Variants in BCL7B observed in about 807,000 individuals in gnomAD.
The protein encoded by BCL7B is B-cell CLL/lymphoma 7 protein family member B.
In BCL7B, 11 loss-of-function variants were observed where a neutral mutation model predicts 26.5. The observed-to-expected ratio is 0.42, with a 90% CI of 0.26 to 0.69. BCL7B has a LOEUF of 0.69. Ranked by LOEUF, BCL7B falls within the 30% of genes least tolerant of loss-of-function variation. BCL7B has a pLI of 0.28. For missense variants in BCL7B, 215 were observed against 264.4 expected (o/e 0.81, Z 1.30); for synonymous variants, 111 against 107.9 (o/e 1.03, Z -0.18).
At chr7:73,550,209 G>C (rs1267400381) in intron 2 of BCL7B, among the ~76,000 whole-genome samples, 3 of 152,106 alleles carry the variant, frequency 2.0e-5, no homozygotes, top group Non-Finnish European at 2.9e-5. Flanking sequence ...ATGAGTCAAA[G>C]GTAATAATTC....
intron 1 of BCL7B, among the ~76,000 whole-genome samples, chr7:73,555,401 C>CAAA (rs71517395): frequency 1.5e-5 from 2 of 136,768 alleles, no homozygotes; most frequent in Admixed American, 1.4e-4. Flanking sequence ...GACTCTGTCT[C>CAAA]AAAAAAAAAG....
chr7:73,557,402 C>T (rs1474335884), intron 1 of BCL7B, 85 bp downstream of exon 1: 2 of 1,164,420 alleles, frequency 1.7e-6, no homozygotes, highest in Non-Finnish European at 1.1e-6. Context: ...GCCGGCCGGT[C>T]GGCTCCCACC....
chr7:73,543,631 T>A lies in BCL7B; in HGVS notation c.182A>T (p.Lys61Ile). 1 of 1,613,354 alleles carries A rather than the reference T, an allele frequency of 6.2e-7. No individual in the cohort carries two copies. Among genetic ancestry groups the A allele is most frequent in the Non-Finnish European group, 8.5e-7 (1 of 1,179,710 alleles). ...VTDSKEKEKS[K>I]SNSSAAREPN... Reference sequence around the variant, plus strand: ...TTCTCGGGCTGCTGAACTGTTCGATTTTGACTTTTCTTTCTAGAAAAGGAA... The same window carrying A: ...TTCTCGGGCTGCTGAACTGTTCGATATTGACTTTTCTTTCTAGAAAAGGAA... Residue 61 changes from lysine (K) to isoleucine (I), a missense_variant, in exon 3 of 6, where the codon AAA becomes ATA. Lys to Ile is a moderately radical substitution (Grantham distance 102). Coordinates refer to ENST00000223368, the MANE Select transcript of BCL7B (RefSeq NM_001707.4).
chr7:73,551,516 C>CCAG (rs1170151497), intron 2 of BCL7B, among the ~76,000 whole-genome samples: 3 of 151,906 alleles, frequency 2.0e-5, no homozygotes, highest in Non-Finnish European at 2.9e-5. Flanking sequence ...GTTGGCCAGG[C>CCAG]TGGTCTCGAA....
intron 1 of BCL7B, 171 bp downstream of exon 1, chr7:73,557,316 C>G (rs2115845671): frequency 6.0e-6 from 7 of 1,167,202 alleles, no homozygotes; most frequent in East Asian, 3.8e-5. Flanking sequence ...TTGGCCGCGG[C>G]CGGCGCGCCC....
intron 1 of BCL7B, among the ~76,000 whole-genome samples, chr7:73,552,907 A>G (rs893262522): frequency 3.9e-5 from 6 of 152,144 alleles, no homozygotes; most frequent in Middle Eastern, 6.8e-3. Flanking sequence ...TATGAGTTCT[A>G]TTACTACATT....
At chr7:73,552,547 G>C (rs1328077498) in intron 1 of BCL7B, among the ~76,000 whole-genome samples, 1 of 152,034 alleles carries the variant, frequency 6.6e-6, no homozygotes, top group Non-Finnish European at 1.5e-5. Flanking sequence ...GGGAGACTGA[G>C]GTGGGCAGAT....
Position 73,540,016 on chromosome 7 carries a change from T to TA in BCL7B, c.301dup (p.Tyr101LeufsTer4). ...GGTGCTGCTGTCCACCTTAAGCTGATAGACGTCAGACACGGAACTCTGGTT... is the reference window on the plus strand; with the variant it reads ...GGTGCTGCTGTCCACCTTAAGCTGATAAGACGTCAGACACGGAACTCTGGTT... On this transcript the variant is annotated frameshift_variant, in exon 4 of 6. Transcript: ENST00000223368. LOFTEE classifies it high-confidence loss of function. 1 of 1,614,036 alleles carries TA rather than the reference T, an allele frequency of 6.2e-7. No individual in the cohort carries two copies. The highest frequency in any genetic ancestry group is 1.1e-5 in the South Asian group (1 of 91,062).
intron 2 of BCL7B, among the ~76,000 whole-genome samples, chr7:73,544,334 T>C (rs895640465): frequency 5.3e-5 from 8 of 151,830 alleles, no homozygotes; most frequent in Non-Finnish European, 8.8e-5. Context: ...GGCAGGAGAA[T>C]TGCTTGAGGT....
intron 2 of BCL7B, among the ~76,000 whole-genome samples, chr7:73,547,803 T>C (rs560000444): frequency 3.0e-4 from 46 of 152,116 alleles, no homozygotes; most frequent in African/African-American, 8.0e-4. Context: ...GAAAAACAAA[T>C]GTAGGAGAAA....
intron 2 of BCL7B, among the ~76,000 whole-genome samples, chr7:73,546,524 T>G (rs143379881): frequency 0.012 from 1,883 of 152,066 alleles, 39 homozygotes; most frequent in African/African-American, 0.043. Flanking sequence ...AAAAATTAGC[T>G]GGGCATGGTG....
At chr7:73,542,477 A>G (rs1554582973) in intron 3 of BCL7B, among the ~76,000 whole-genome samples, 15 of 152,232 alleles carry the variant, frequency 9.9e-5, no homozygotes. Context: ...AAATGGAAGT[A>G]GCATTTTGTC....
chr7:73,541,267 G>C (rs566960648), intron 3 of BCL7B, among the ~76,000 whole-genome samples: 1 of 152,090 alleles, frequency 6.6e-6, no homozygotes, highest in South Asian at 2.1e-4. Context: ...GGTATCATTT[G>C]TGCTCATTCC....
intron 2 of BCL7B, among the ~76,000 whole-genome samples, chr7:73,550,435 C>T (rs1238014459): frequency 6.6e-6 from 1 of 151,762 alleles, no homozygotes; most frequent in Non-Finnish European, 1.5e-5. Flanking sequence ...ATCCCAGCTG[C>T]TCAGGAGGCT....
intron 2 of BCL7B, among the ~76,000 whole-genome samples, chr7:73,546,131 CAAAA>C (rs1327019672): frequency 5.4e-5 from 4 of 73,896 alleles, no homozygotes; most frequent in Admixed American, 4.6e-4. Context: ...GACTCCATCT[CAAAA>C]AAAAAAAAAA....
chr7:73,555,421 A>T (rs1792326545), intron 1 of BCL7B, among the ~76,000 whole-genome samples: 1 of 152,066 alleles, frequency 6.6e-6, no homozygotes, highest in African/African-American at 2.4e-5. Context: ...GAAATCAAAT[A>T]TAGGAAATGT....
At chr7:73,550,581 CCAAAGTTGAACCACAGAGAATA>C in intron 2 of BCL7B, among the ~76,000 whole-genome samples, 1 of 151,844 alleles carries the variant, frequency 6.6e-6, no homozygotes, top group South Asian at 2.1e-4. Flanking sequence ...AATTAAAAAA[CCAAAGTTGAACCACAGAGAATA>C]CAAAGAGGTT....
intron 4 of BCL7B, among the ~76,000 whole-genome samples, chr7:73,538,815 TAAAAAAAAAAAAAAA>T (rs1159395373): frequency 2.1e-5 from 2 of 94,572 alleles, no homozygotes; most frequent in East Asian, 5.8e-4. Context: ...CCTATCTCTT[TAAAAAAAAAAAAAAA>T]AAAAAAAAGA....
At chr7:73,551,069 C>G (rs1554584067) in intron 2 of BCL7B, among the ~76,000 whole-genome samples, 1 of 152,186 alleles carries the variant, frequency 6.6e-6, no homozygotes, top group Non-Finnish European at 1.5e-5. Context: ...GCACAAAGGT[C>G]TACACCAGAA....
Sources: allele counts gnomAD v4.1 joint callset (sites outside exome capture counted in the v4.1 genomes callset), GRCh38; gene constraint gnomAD v4.1.1; transcripts MANE v1.5; gene names NCBI Gene and HGNC (gene_info 2026-07-23, HGNC 2026-07-21).